IL23R: variants seen among roughly 807,000 people sequenced by gnomAD.
IL23R encodes the protein interleukin 23 receptor.
In IL23R, 34 loss-of-function variants were observed where a neutral mutation model predicts 56.9. The ratio of observed to expected loss-of-function variants is 0.60; its 90% CI spans 0.45 to 0.80. The LOEUF is 0.80. Ranked by LOEUF, IL23R falls within the 30% of genes least tolerant of loss-of-function variation. The pLI, the probability that IL23R is intolerant of heterozygous loss-of-function variation, is 0.00. For missense variants in IL23R, 635 were observed against 730.0 expected (o/e 0.87, Z 1.50); for synonymous variants, 230 against 249.2 (o/e 0.92, Z 0.73).
chr1:67,180,763 T>G (rs1357593336), intron 3 of IL23R, among the ~76,000 whole-genome samples: 5 of 152,186 alleles, frequency 3.3e-5, no homozygotes, highest in Non-Finnish European at 7.3e-5. Context: ...GGTACTGGTT[T>G]TTCCTTTCCA....
intron 3 of IL23R, among the ~76,000 whole-genome samples, chr1:67,170,993 C>A (rs1646936221): frequency 6.6e-6 from 1 of 152,244 alleles, no homozygotes; most frequent in Non-Finnish European, 1.5e-5. Context: ...CTACCTTAAA[C>A]TGATGCCTTA....
intron 5 of IL23R, among the ~76,000 whole-genome samples, chr1:67,201,276 C>T (rs557363586): frequency 1.3e-4 from 19 of 151,812 alleles, no homozygotes; most frequent in East Asian, 9.7e-4. Context: ...GGCATGGTGG[C>T]GGGCACCTGT....
At chr1:67,199,275 T>A (rs557768012) in intron 4 of IL23R, among the ~76,000 whole-genome samples, 126 of 152,326 alleles carry the variant, frequency 8.3e-4, no homozygotes, top group African/African-American at 2.8e-3. Context: ...TGTCATGTTA[T>A]TTCACGTATT....
rs141771464 is a variant in IL23R at position 67,245,930 on chromosome 1, C to T, written c.1148+5649C>T. ...CTCTGGTAGAATGTGGCTGTGAATC[C>T]GTCTGGTCCTGGACTTTTTTTGATT... On this transcript the variant is annotated intron_variant, in intron 9 of 10. Transcript: ENST00000347310. Among the ~76,000 whole-genome samples, 1,136 of 152,192 alleles carry T rather than the reference C, an allele frequency of 7.5e-3. 14 individuals are homozygous for T. Among genetic ancestry groups the T allele is most frequent in the African/African-American group, 0.025 (1,054 of 41,510 alleles).
At chr1:67,170,174 G>A (rs1646924872) in intron 3 of IL23R, among the ~76,000 whole-genome samples, 1 of 152,168 alleles carries the variant, frequency 6.6e-6, no homozygotes, top group Non-Finnish European at 1.5e-5. Context: ...CCTTGGACAA[G>A]TTGCTTAAGC....
At chr1:67,192,374 C>T (rs964442086) in intron 4 of IL23R, among the ~76,000 whole-genome samples, 1 of 152,172 alleles carries the variant, frequency 6.6e-6, no homozygotes, top group Admixed American at 6.5e-5. Flanking sequence ...CTCCTTCAGG[C>T]CTTTCTTGCC....
At chr1:67,138,791 G>A (rs958921969), upstream of IL23R, 2 of 152,242 alleles carry the variant, frequency 1.3e-5, no homozygotes, top group African/African-American at 2.4e-5. Flanking sequence ...TCAGCACAGG[G>A]ACTTCAGAAC....
At chr1:67,228,671 G>T (rs1055680266) in intron 7 of IL23R, among the ~76,000 whole-genome samples, 3 of 152,076 alleles carry the variant, frequency 2.0e-5, no homozygotes, top group Non-Finnish European at 4.4e-5. Flanking sequence ...TGTCAATAGG[G>T]TTATGTTCCT....
chr1:67,246,394 T>C (rs1652225973), intron 9 of IL23R, among the ~76,000 whole-genome samples: 1 of 152,226 alleles, frequency 6.6e-6, no homozygotes, highest in African/African-American at 2.4e-5. Context: ...ATTCTTTTAA[T>C]TGTGATGTTA....
At chr1:67,176,346 G>A (rs1403731435) in intron 3 of IL23R, among the ~76,000 whole-genome samples, 5 of 152,176 alleles carry the variant, frequency 3.3e-5, no homozygotes, top group African/African-American at 1.2e-4. Flanking sequence ...TAAGGTAGTA[G>A]GGATGGAATG....
intron 1 of IL23R, among the ~76,000 whole-genome samples, chr1:67,156,140 T>C (rs1646768252): frequency 1.3e-5 from 2 of 152,126 alleles, no homozygotes; most frequent in Non-Finnish European, 1.5e-5. Flanking sequence ...ACAGCAAAGA[T>C]TGCTCCCTGT....
At chr1:67,184,386 A>T (rs892562372) in intron 4 of IL23R, among the ~76,000 whole-genome samples, 1 of 152,032 alleles carries the variant, frequency 6.6e-6, no homozygotes, top group African/African-American at 2.4e-5. Flanking sequence ...TCTCTACTAA[A>T]AATGCAAAAA....
intron 6 of IL23R, among the ~76,000 whole-genome samples, chr1:67,218,358 G>GTATA (rs1270428311): frequency 1.7e-4 from 23 of 137,852 alleles, no homozygotes; most frequent in South Asian, 2.4e-4. Flanking sequence ...GTGTGTGTGT[G>GTATA]TATATATATA....
chr1:67,240,137 GAC>G, intron 8 of IL23R, 40 bp from the exon 9 acceptor site: 1 of 1,290,918 alleles, frequency 7.7e-7, no homozygotes, highest in Non-Finnish European at 1.1e-6. Context: ...ATCAAATGAA[GAC>G]TAATGCTTGG....
At chr1:67,163,125 A>G (rs566964507), upstream of IL23R, among the ~76,000 whole-genome samples, 1 of 152,226 alleles carries the variant, frequency 6.6e-6, no homozygotes, top group African/African-American at 2.4e-5. Flanking sequence ...GGTGCTGGAC[A>G]CTGAGAAGAA....
intron 6 of IL23R, among the ~76,000 whole-genome samples, chr1:67,209,916 T>C (rs1356330288): frequency 6.6e-6 from 1 of 152,214 alleles, no homozygotes; most frequent in Non-Finnish European, 1.5e-5. Context: ...TGTAATTCAG[T>C]GTCTCCTAGG....
chr1:67,162,356 TG>T (rs1356224206), upstream of IL23R, among the ~76,000 whole-genome samples: 3 of 152,110 alleles, frequency 2.0e-5, no homozygotes, highest in African/African-American at 7.2e-5. Flanking sequence ...TGGTGGCACA[TG>T]TAGCCTGTAG....
At chr1:67,152,943 C>A (rs1646741480) in intron 1 of IL23R, among the ~76,000 whole-genome samples, 1 of 152,182 alleles carries the variant, frequency 6.6e-6, no homozygotes, top group Admixed American at 6.5e-5. Context: ...GTTTTGGTAT[C>A]AGGATGATGC....
At chr1:67,206,307 C>T (rs1389896542) in intron 5 of IL23R, among the ~76,000 whole-genome samples, 1 of 152,020 alleles carries the variant, frequency 6.6e-6, no homozygotes, top group Non-Finnish European at 1.5e-5. Flanking sequence ...GCCACCATGC[C>T]CAGCCTTTCT....
Sources: gnomAD v4.1 joint callset for allele counts (sites outside exome capture counted in the v4.1 genomes callset) on GRCh38, gnomAD v4.1.1 for gene constraint, MANE v1.5 for transcripts, NCBI Gene and HGNC (gene_info 2026-07-23, HGNC 2026-07-21) for gene names.